The following ICE2 variants were observed in gnomAD, a reference collection of about 807,000 sequenced individuals.
ICE2 encodes the protein little elongation complex subunit 2.
In ICE2, 87 loss-of-function variants were observed where a neutral mutation model predicts 105.4. That is an observed-to-expected ratio of 0.83 (90% CI 0.69 to 0.99). The LOEUF is 0.99. Ranked by LOEUF, ICE2 falls within the 50% of genes least tolerant of loss-of-function variation. The pLI is 0.00. For missense variants in ICE2, 1,323 were observed against 1,146.7 expected, an observed-to-expected ratio of 1.15 and a Z score of -2.22; for synonymous variants, 399 against 392.0, an observed-to-expected ratio of 1.02 and a Z score of -0.21.
chr15:60,433,043 G>T (rs2063497778), intron 13 of ICE2, among the ~76,000 whole-genome samples: 1 of 152,012 alleles, frequency 6.6e-6, no homozygotes. Flanking sequence ...TGACAGAGAA[G>T]CCACTCACTC....
intron 12 of ICE2, among the ~76,000 whole-genome samples, chr15:60,436,780 A>G (rs1290954944): frequency 6.6e-6 from 1 of 151,368 alleles, no homozygotes; most frequent in Non-Finnish European, 1.5e-5. Context: ...GAGAATTATC[A>G]TAATTATGAT....
intron 9 of ICE2, chr15:60,453,245 T>A: frequency 4.0e-6 from 4 of 1,011,120 alleles, no homozygotes; most frequent in Non-Finnish European, 4.7e-6. Context: ...AAAATAAAAC[T>A]CTTGAATATG....
At chr15:60,453,813 G>T in intron 8 of ICE2, 29 bp from the exon 9 acceptor site, 2 of 1,494,976 alleles carry the variant, frequency 1.3e-6, no homozygotes, top group South Asian at 1.2e-5. Context: ...GAAAAGAGGT[G>T]ATTAGTATCT....
chr15:60,471,695 C>T (rs2064599477), intron 3 of ICE2, among the ~76,000 whole-genome samples: 1 of 152,024 alleles, frequency 6.6e-6, no homozygotes, highest in African/African-American at 2.4e-5. Flanking sequence ...TTCACGTATA[C>T]AGCATTATAT....
intron 3 of ICE2, among the ~76,000 whole-genome samples, chr15:60,474,630 G>A (rs1440512828): frequency 1.3e-5 from 2 of 152,146 alleles, no homozygotes; most frequent in Non-Finnish European, 2.9e-5. Context: ...TTACATTTAA[G>A]TTATTGATAG....
chr15:60,455,924 A>G (rs144398145), intron 6 of ICE2, among the ~76,000 whole-genome samples: 1 of 152,162 alleles, frequency 6.6e-6, no homozygotes, highest in East Asian at 1.9e-4. Context: ...GGCCAGTTTC[A>G]TAGAATTTTT....
At chr15:60,452,860 C>G (rs998223920) in intron 9 of ICE2, 6 of 985,328 alleles carry the variant, frequency 6.1e-6, no homozygotes, top group Non-Finnish European at 7.2e-6. Flanking sequence ...ACTAAGTATA[C>G]TGAAGATTAA....
intron 12 of ICE2, chr15:60,439,616 C>A (rs1356118625): frequency 6.6e-6 from 1 of 152,190 alleles, no homozygotes; most frequent in African/African-American, 2.4e-5. Flanking sequence ...CTCCTGACCT[C>A]AAATGATCCA....
At chr15:60,468,760 G>A (rs1158337593) in intron 3 of ICE2, among the ~76,000 whole-genome samples, 3 of 152,146 alleles carry the variant, frequency 2.0e-5, no homozygotes, top group Non-Finnish European at 4.4e-5. Flanking sequence ...ACAAATTTGA[G>A]ATTAACAAAA....
intron 3 of ICE2, among the ~76,000 whole-genome samples, chr15:60,471,806 A>T (rs1031396683): frequency 1.3e-5 from 2 of 152,032 alleles, no homozygotes; most frequent in Non-Finnish European, 2.9e-5. Context: ...CAAAAAACAA[A>T]CAGGGTAGAA....
At position 60,477,963 on chromosome 15, in the gene ICE2, C is replaced by T; in HGVS notation, c.15G>A (p.Met5Ile). Residue 5 changes from methionine (M) to isoleucine (I), a missense_variant, in exon 2 of 16, where the codon ATG becomes ATA. By Grantham distance (10) the Met-to-Ile change is conservative. Transcript: ENST00000261520. The stretch of plus-strand genomic sequence containing the variant: ...AATTCAGTCCTGGTTCACTTATGAC[C>T]ATCTTGGAGCTCATCTTCCTAGATT... MSSK[M>I]VISEPGLNWD... 1 of 1,614,106 alleles carries T rather than the reference C, an allele frequency of 6.2e-7. No homozygotes were observed. The highest frequency in any genetic ancestry group is 1.1e-5 in the South Asian group (1 of 91,076).
chr15:60,427,575 C>A (rs1192260893), intron 15 of ICE2, among the ~76,000 whole-genome samples: 2 of 152,132 alleles, frequency 1.3e-5, no homozygotes, highest in African/African-American at 4.8e-5. Flanking sequence ...CAGGTGTGCA[C>A]CATGATGCCA....
intron 13 of ICE2, among the ~76,000 whole-genome samples, chr15:60,432,250 C>T (rs912599539): frequency 3.0e-4 from 43 of 142,524 alleles, no homozygotes; most frequent in Non-Finnish European, 4.0e-4. Flanking sequence ...TGCAGTGGCG[C>T]AATCTCTGCT....
At chr15:60,477,256 T>C (rs188987484) in intron 2 of ICE2, among the ~76,000 whole-genome samples, 1 of 152,260 alleles carries the variant, frequency 6.6e-6, no homozygotes. Context: ...AAAAACAAAG[T>C]AAAGGGTCTC....
chr15:60,462,753 A>G (rs753989977), intron 5 of ICE2, among the ~76,000 whole-genome samples: 2 of 151,478 alleles, frequency 1.3e-5, no homozygotes, highest in Non-Finnish European at 2.9e-5. Context: ...CTCTATATAC[A>G]TATATATATA....
At position 60,466,715 on chromosome 15, in the gene ICE2, T is replaced by G. The variant is rs750510559; in HGVS notation, c.409-2A>C. On this transcript the variant is annotated splice_acceptor_variant, in intron 4 of 15. Transcript: ENST00000261520. LOFTEE classifies it high-confidence loss of function. The stretch of plus-strand genomic sequence containing the variant: ...TTCGTTCACATGTTTTTTCATATCC[T>G]GATTTTTAAAAAAGTAGACATGTCT... 1 of 1,593,200 alleles carries G rather than the reference T, an allele frequency of 6.3e-7. No individual in the cohort carries two copies. The highest frequency in any genetic ancestry group is 1.8e-5 in the Admixed American group (1 of 56,936).
chr15:60,468,744 G>A (rs1374541024), intron 3 of ICE2, among the ~76,000 whole-genome samples: 1 of 152,070 alleles, frequency 6.6e-6, no homozygotes, highest in African/African-American at 2.4e-5. Flanking sequence ...AGAATGTAAA[G>A]GAATCACAAA....
chr15:60,449,892 CCTAT>C (rs765141004), intron 9 of ICE2, 51 bp from the exon 10 acceptor site: 2 of 1,351,396 alleles, frequency 1.5e-6, no homozygotes, highest in East Asian at 2.3e-5. Context: ...AGCCACCCTA[CCTAT>C]CTCTTAATGT....
rs1207242918 is a variant in ICE2, at chr15:60,476,062, C to A, written c.146+1G>T. 1.9e-6 allele frequency: 3 copies of A among 1,560,068 alleles called. No homozygotes were observed. Among genetic ancestry groups the A allele is most frequent in the East Asian group, 2.3e-5 (1 of 43,734 alleles). On this transcript the variant is annotated splice_donor_variant, in intron 3 of 15. Transcript: ENST00000261520. LOFTEE classifies it high-confidence loss of function. ...AATAAATAACCAAATAAACATATTA[C>A]CTGTTGGATAAAACACGTAGTTCTT...
Sources: allele counts gnomAD v4.1 joint callset (sites outside exome capture counted in the v4.1 genomes callset), GRCh38; gene constraint gnomAD v4.1.1; transcripts MANE v1.5; gene names NCBI Gene and HGNC (gene_info 2026-07-23, HGNC 2026-07-21).